Variants in TEAD1 observed in about 807,000 individuals in gnomAD.
TEAD1 encodes the protein TEA domain transcription factor 1.
TEAD1 carries 9 observed loss-of-function variants against 54.9 expected under a neutral mutation model. The observed-to-expected ratio is 0.16, with a 90% CI of 0.10 to 0.29. The LOEUF (loss-of-function observed/expected upper bound fraction) is 0.29, where lower values mean the gene tolerates loss of function less well. Among genes scored for constraint, TEAD1 ranks in the 10% least tolerant of loss-of-function variants. The pLI, the probability that TEAD1 is intolerant of heterozygous loss-of-function variation, is 1.00. For synonymous variants in TEAD1, 200 were observed against 187.8 expected (o/e 1.07, Z -0.53); for missense variants, 387 against 535.9 (o/e 0.72, Z 2.74).
chr11:12,692,194 G>A (rs1485343123), intron 2 of TEAD1, among the ~76,000 whole-genome samples: 2 of 151,942 alleles, frequency 1.3e-5, no homozygotes, highest in Non-Finnish European at 2.9e-5. Flanking sequence ...TGCCCATGTT[G>A]GTGCATCATA....
At chr11:12,747,004 A>G (rs1312634919) in intron 2 of TEAD1, among the ~76,000 whole-genome samples, 3 of 152,288 alleles carry the variant, frequency 2.0e-5, no homozygotes, top group Non-Finnish European at 2.9e-5. Context: ...GAGGCCACAG[A>G]CCAGGTAGTC....
intron 10 of TEAD1, among the ~76,000 whole-genome samples, chr11:12,913,097 T>C (rs1259142900): frequency 6.6e-6 from 1 of 152,126 alleles, no homozygotes; most frequent in Non-Finnish European, 1.5e-5. Flanking sequence ...TCGGGGTGGC[T>C]GCATATTTTC....
chr11:12,739,252 T>C (rs921110069), intron 2 of TEAD1, among the ~76,000 whole-genome samples: 1 of 151,886 alleles, frequency 6.6e-6, no homozygotes, highest in Non-Finnish European at 1.5e-5. Context: ...ATCAGTCATC[T>C]ATCTCTGTCA....
At chr11:12,827,760 T>C (rs941341352) in intron 3 of TEAD1, among the ~76,000 whole-genome samples, 4 of 152,186 alleles carry the variant, frequency 2.6e-5, no homozygotes, top group African/African-American at 9.7e-5. Context: ...CTTTTGACAC[T>C]GGTGATATGG....
Position 12,761,810 on chromosome 11 carries a change from A to T in TEAD1, c.-54-2369A>T, listed in dbSNP as rs189741006. On this transcript the variant is annotated intron_variant, in intron 2 of 12. Coordinates refer to ENST00000527636, the MANE Select transcript of TEAD1 (RefSeq NM_021961.6). The stretch of plus-strand genomic sequence containing the variant: ...TAACCAGGAGATGGGTTTTCGCCTG[A>T]TAAATGGAAGCATTTCAACATGTCA... 2.5e-4 allele frequency among the ~76,000 whole-genome samples: 38 copies of T among 152,314 alleles called. 1 individual carries two copies. Among genetic ancestry groups the T allele is most frequent in the Non-Finnish European group, 4.4e-5 (3 of 68,036 alleles).
intron 3 of TEAD1, among the ~76,000 whole-genome samples, chr11:12,776,024 T>A (rs1266334860): frequency 5.5e-5 from 8 of 145,434 alleles, no homozygotes; most frequent in Non-Finnish European, 1.2e-4. Flanking sequence ...CAGGGAGGGG[T>A]GCAGGGGTGT....
intron 12 of TEAD1, among the ~76,000 whole-genome samples, chr11:12,935,837 C>T (rs1949090562): frequency 6.6e-6 from 1 of 152,096 alleles, no homozygotes. Flanking sequence ...TCCTTAGGAA[C>T]TTATATTCCA....
intron 3 of TEAD1, among the ~76,000 whole-genome samples, chr11:12,821,821 C>T (rs1946551279): frequency 6.6e-6 from 1 of 151,978 alleles, no homozygotes; most frequent in African/African-American, 2.4e-5. Flanking sequence ...ATTGATAAGG[C>T]ATTTCATGGA....
At chr11:12,691,015 T>G (rs1943446374) in intron 2 of TEAD1, among the ~76,000 whole-genome samples, 1 of 152,222 alleles carries the variant, frequency 6.6e-6, no homozygotes, top group African/African-American at 2.4e-5. Flanking sequence ...CTTCCCAAAT[T>G]GCTGAGATTA....
chr11:12,879,941 A>G, intron 6 of TEAD1, 99 bp downstream of exon 6: 1 of 1,568,622 alleles, frequency 6.4e-7, no homozygotes. Context: ...CATGTGGGTC[A>G]GGTATGTGAG....
intron 5 of TEAD1, among the ~76,000 whole-genome samples, chr11:12,868,125 T>G (rs1947661853): frequency 1.3e-5 from 2 of 152,208 alleles, no homozygotes; most frequent in African/African-American, 4.8e-5. Context: ...CACTGCCAGA[T>G]GTGTCTTCCT....
At chr11:12,790,848 A>G (rs576024875) in intron 3 of TEAD1, among the ~76,000 whole-genome samples, 1 of 152,350 alleles carries the variant, frequency 6.6e-6, no homozygotes, top group African/African-American at 2.4e-5. Context: ...CTATGGTCAG[A>G]AAGACAATAA....
intron 3 of TEAD1, among the ~76,000 whole-genome samples, chr11:12,846,155 G>C (rs1490754134): frequency 6.6e-6 from 1 of 152,236 alleles, no homozygotes; most frequent in Non-Finnish European, 1.5e-5. Flanking sequence ...AAAATCCCCA[G>C]ATGCTGTTTA....
At chr11:12,730,875 A>AT (rs968524133) in intron 2 of TEAD1, among the ~76,000 whole-genome samples, 1 of 151,012 alleles carries the variant, frequency 6.6e-6, no homozygotes, top group Non-Finnish European at 1.5e-5. Flanking sequence ...TAATTTTAGT[A>AT]TTTTTTAGTA....
At chr11:12,780,137 G>A (rs1036476146) in intron 3 of TEAD1, among the ~76,000 whole-genome samples, 1 of 151,936 alleles carries the variant, frequency 6.6e-6, no homozygotes. Flanking sequence ...ATTTGATCTT[G>A]TATGTAGCTA....
At chr11:12,804,913 G>A (rs1047234123) in intron 3 of TEAD1, among the ~76,000 whole-genome samples, 4 of 152,188 alleles carry the variant, frequency 2.6e-5, no homozygotes, top group African/African-American at 9.7e-5. Context: ...GTGGATGTGG[G>A]AGTGGTAGTA....
chr11:12,682,662 C>T (rs941310574), intron 2 of TEAD1, among the ~76,000 whole-genome samples: 6 of 152,106 alleles, frequency 3.9e-5, no homozygotes, highest in South Asian at 2.1e-4. Flanking sequence ...CTGGTTTTCA[C>T]GGAGCTACTG....
At chr11:12,932,079 C>T (rs1949021550) in intron 12 of TEAD1, among the ~76,000 whole-genome samples, 1 of 152,174 alleles carries the variant, frequency 6.6e-6, no homozygotes, top group Non-Finnish European at 1.5e-5. Context: ...TTCGTTTGTT[C>T]CAAGAAGAGA....
At position 12,852,310 on chromosome 11, in the gene TEAD1, TGGA is replaced by T. The variant is rs1407161153; in HGVS notation, c.203-9937_203-9935del. Reference sequence around the variant, plus strand: ...TATAGGAAGGCAACATAACTAGATGTGGAGGTGAAAGAAAAGACAAATGCCTGC... The same window carrying T: ...TATAGGAAGGCAACATAACTAGATGTGGTGAAAGAAAAGACAAATGCCTGC... On this transcript the variant is annotated intron_variant, in intron 3 of 12. Coordinates refer to ENST00000527636, the MANE Select transcript of TEAD1 (RefSeq NM_021961.6). Among the ~76,000 whole-genome samples, 63 of 152,140 alleles carry T rather than the reference TGGA, an allele frequency of 4.1e-4. 1 individual carries two copies. The highest frequency in any genetic ancestry group is 1.5e-3 in the African/African-American group (61 of 41,506).
Sources: allele counts gnomAD v4.1 joint callset (sites outside exome capture counted in the v4.1 genomes callset), GRCh38; gene constraint gnomAD v4.1.1; transcripts MANE v1.5; gene names NCBI Gene and HGNC (gene_info 2026-07-23, HGNC 2026-07-21).